MYCBP2: variants seen among roughly 807,000 people sequenced by gnomAD.
MYCBP2 encodes the protein E3 ubiquitin-protein ligase MYCBP2.
Under a neutral mutation model 525.3 loss-of-function variants are expected in MYCBP2, and 120 were observed. The ratio of observed to expected loss-of-function variants is 0.23; its 90% CI spans 0.20 to 0.27. MYCBP2 has a LOEUF of 0.27. Ranked by LOEUF, MYCBP2 falls within the 10% of genes least tolerant of loss-of-function variation. The probability of loss-of-function intolerance (pLI) is 1.00; values close to 1 mark genes in which losing one functional copy is unlikely to be tolerated. For missense variants in MYCBP2, 4,149 were observed against 5,657.1 expected, an observed-to-expected ratio of 0.73 and a Z score of 8.55; for synonymous variants, 1,894 against 1,955.8, an observed-to-expected ratio of 0.97 and a Z score of 0.83.
At chr13:77,244,074 T>C in intron 15 of MYCBP2, 123 bp from the exon 16 acceptor site, 1 of 1,077,470 alleles carries the variant, frequency 9.3e-7, no homozygotes, top group South Asian at 2.2e-5. Flanking sequence ...AGCAATGAAA[T>C]CACCTCTTTA....
chr13:77,181,197 GA>G (rs2060188808), intron 33 of MYCBP2, among the ~76,000 whole-genome samples: 1 of 152,050 alleles, frequency 6.6e-6, no homozygotes, highest in Non-Finnish European at 1.5e-5. Context: ...AGAAAAAAGG[GA>G]AAAGATGATT....
intron 1 of MYCBP2, among the ~76,000 whole-genome samples, chr13:77,321,706 C>G (rs185679259): frequency 2.0e-5 from 3 of 152,220 alleles, no homozygotes; most frequent in Non-Finnish European, 4.4e-5. Context: ...GCCTAGAATG[C>G]CATGCCTTTG....
rs776495218 is a variant in MYCBP2 at position 77,176,634 on chromosome 13, A to C, written c.5341-6T>G. The C allele has an allele frequency of 6.7e-7, 1 of 1,492,368 alleles. No individual in the cohort carries two copies. The highest frequency in any genetic ancestry group is 1.6e-5 in the South Asian group (1 of 64,112). 92.4% of individuals were successfully genotyped at this position (1,492,368 alleles called of 1,614,324 possible). ...GAATCTCCTGCATGTTCACTCTAAAAAAAAAAAATGAAACACAAAAATTCC... is the reference window on the plus strand; with the variant it reads ...GAATCTCCTGCATGTTCACTCTAAACAAAAAAAATGAAACACAAAAATTCC... On this transcript the variant is annotated splice_region_variant and splice_polypyrimidine_tract_variant and intron_variant, in intron 35 of 82. Transcript: ENST00000544440.
At chr13:77,062,782 T>C in intron 73 of MYCBP2, 85 bp from the exon 74 acceptor site, 1 of 1,035,886 alleles carries the variant, frequency 9.7e-7, no homozygotes, top group Non-Finnish European at 1.5e-6. Flanking sequence ...AACAGCTCAA[T>C]AAATGCTGGC....
intron 14 of MYCBP2, among the ~76,000 whole-genome samples, chr13:77,256,952 T>C (rs1214980588): frequency 6.6e-6 from 1 of 152,200 alleles, no homozygotes; most frequent in Non-Finnish European, 1.5e-5. Flanking sequence ...TGCAGCACTA[T>C]TCACAATAGC....
chr13:77,125,524 C>A, intron 53 of MYCBP2, 56 bp from the exon 54 acceptor site: 1 of 1,594,436 alleles, frequency 6.3e-7, no homozygotes, highest in South Asian at 1.1e-5. Context: ...GGAACTCAGT[C>A]TGAAAACCAG....
chr13:77,326,130 C>A lies in MYCBP2; in HGVS notation c.302+344G>T, dbSNP rs1449940380. Among the ~76,000 whole-genome samples, 3 of 151,974 alleles carry A rather than the reference C, an allele frequency of 2.0e-5. No individual in the cohort carries two copies. The highest frequency in any genetic ancestry group is 2.9e-5 in the Non-Finnish European group (2 of 68,004). On this transcript the variant is annotated intron_variant, in intron 1 of 82. Transcript: ENST00000544440. This position sits in a 1 kb window ranked among gnomAD's most constrained non-coding sequence, Gnocchi z 4.2. ...CCTCTTACCCTCTCTACCCATGCCA[C>A]CTCCTACCTCAACGATACACACACG...
intron 76 of MYCBP2, 51 bp downstream of exon 76, chr13:77,061,118 A>C: frequency 6.4e-7 from 1 of 1,552,416 alleles, no homozygotes; most frequent in Non-Finnish European, 8.7e-7. Flanking sequence ...GGCACGGTTT[A>C]ATCTTTTTTT....
chr13:77,170,874 C>T (rs1196876182), intron 38 of MYCBP2, among the ~76,000 whole-genome samples: 1 of 152,124 alleles, frequency 6.6e-6, no homozygotes, highest in Non-Finnish European at 1.5e-5. Context: ...CATGTCCGGC[C>T]ATAACCATGT....
At chr13:77,229,753 T>G (rs2066874499) in intron 18 of MYCBP2, among the ~76,000 whole-genome samples, 1 of 152,220 alleles carries the variant, frequency 6.6e-6, no homozygotes, top group Admixed American at 6.5e-5. Context: ...CATGTAGTTC[T>G]AGTAAATGAC....
At chr13:77,232,080 T>C (rs1002510251) in intron 18 of MYCBP2, among the ~76,000 whole-genome samples, 4 of 152,192 alleles carry the variant, frequency 2.6e-5, no homozygotes, top group African/African-American at 9.6e-5. Context: ...TTACTAAAGA[T>C]GAGTTTTGTC....
In MYCBP2 at chr13:77,121,504, A is replaced by G. The variant is rs1347841479; in HGVS notation, c.8018-9T>C. 3 of 1,563,250 alleles carry G rather than the reference A, an allele frequency of 1.9e-6. No homozygotes were observed. The highest frequency in any genetic ancestry group is 1.7e-5 in the Admixed American group (1 of 58,056). ...ATCCAGAAGAGCTTGTTCTACAATA[A>G]AAGCCATAGCTGTAACATTAGTTTC... On this transcript the variant is annotated splice_polypyrimidine_tract_variant and intron_variant, in intron 54 of 82. Coordinates refer to ENST00000544440, the MANE Select transcript of MYCBP2 (RefSeq NM_015057.5).
rs758255092 is a variant in MYCBP2 at position 77,263,688 on chromosome 13, G to T, written c.1533C>A (p.Ile511=). 50 of 1,612,722 alleles carry T rather than the reference G, an allele frequency of 3.1e-5. No individual in the cohort carries two copies. Among genetic ancestry groups the T allele is most frequent in the Non-Finnish European group, 3.9e-5 (46 of 1,179,252 alleles). Residue 511 remains isoleucine (I), a synonymous_variant, in exon 10 of 83, where the codon ATC becomes ATA. Transcript: ENST00000544440. ...AGTCCTTTTCCAGATCGAATAGTGAGATACCACAGGCATGTAAGCATTTTC... is the reference window on the plus strand; with the variant it reads ...AGTCCTTTTCCAGATCGAATAGTGATATACCACAGGCATGTAAGCATTTTC... ...LARKCLHACG[I]SLFDLEKDLH...
chr13:77,274,600 C>T (rs2075295054), intron 4 of MYCBP2, among the ~76,000 whole-genome samples: 1 of 152,098 alleles, frequency 6.6e-6, no homozygotes. Context: ...CCAGGCAGCC[C>T]CTACCAATCC....
intron 1 of MYCBP2, among the ~76,000 whole-genome samples, chr13:77,302,764 A>AT (rs1487084939): frequency 6.6e-6 from 1 of 152,212 alleles, no homozygotes; most frequent in East Asian, 1.9e-4. Flanking sequence ...TGGAGTGGCT[A>AT]TTTTAATATT....
Position 77,144,517 on chromosome 13 carries a change from A to G in MYCBP2, c.7231T>C (p.Tyr2411His). The change falls in exon 49 of 83, where the codon TAT (tyrosine) becomes CAT (histidine). Residue 2411 changes from tyrosine (Y) to histidine (H), a missense_variant. Coordinates refer to ENST00000544440, the MANE Select transcript of MYCBP2 (RefSeq NM_015057.5). ...MLIRVNNDGT[Y>H]CANWTPGAIG... is the part of the protein sequence containing the mutation. Reference sequence around the variant, plus strand: ...GCCCCTGGAGTCCAATTTGCACAATAAGTCCCATCATTATTGACACGGATC... The same window carrying G: ...GCCCCTGGAGTCCAATTTGCACAATGAGTCCCATCATTATTGACACGGATC... 6.2e-7 allele frequency: 1 copy of G among 1,613,870 alleles called. No individual in the cohort carries two copies. Among genetic ancestry groups the G allele is most frequent in the African/African-American group, 1.3e-5 (1 of 75,026 alleles).
chr13:77,316,210 T>C (rs2080916266), intron 1 of MYCBP2, among the ~76,000 whole-genome samples: 1 of 152,182 alleles, frequency 6.6e-6, no homozygotes, highest in South Asian at 2.1e-4. Flanking sequence ...TAAATGAGCT[T>C]AACAAGATCA....
At chr13:77,292,657 C>G (rs553385480) in intron 2 of MYCBP2, among the ~76,000 whole-genome samples, 11 of 152,174 alleles carry the variant, frequency 7.2e-5, no homozygotes, top group Admixed American at 3.9e-4. Context: ...GGGATGGAAT[C>G]AGCAGAGGGT....
intron 18 of MYCBP2, among the ~76,000 whole-genome samples, chr13:77,228,698 T>A (rs1427070357): frequency 2.1e-5 from 3 of 141,998 alleles, no homozygotes; most frequent in Non-Finnish European, 4.6e-5. Flanking sequence ...ATGTTGTGTG[T>A]GTGTGTGTGT....
Sources: gnomAD v4.1 joint callset for allele counts (sites outside exome capture counted in the v4.1 genomes callset) on GRCh38, gnomAD v4.1.1 for gene constraint, Gnocchi (gnomAD v3.1) non-coding constraint, MANE v1.5 for transcripts, NCBI Gene and HGNC (gene_info 2026-07-23, HGNC 2026-07-21) for gene names.